Variants in PSMF1 observed in about 807,000 individuals in gnomAD.
PSMF1 encodes proteasome inhibitor subunit 1, also known as proteasome inhibitor PI31 subunit.
In PSMF1, 30 loss-of-function variants were observed where a neutral mutation model predicts 29.3. The observed-to-expected ratio is 1.02, with a 90% CI of 0.77 to 1.39. The LOEUF is 1.39. Among genes scored for constraint, PSMF1 ranks in the 40% most tolerant of loss-of-function variants. The pLI is 0.00. For synonymous variants in PSMF1, 134 were observed against 139.7 expected (o/e 0.96, Z 0.29); for missense variants, 344 against 357.5 (o/e 0.96, Z 0.31).
chr20:1,162,404 A>T lies in PSMF1; in HGVS notation c.552-726A>T, dbSNP rs182178231. ...AGAAAAAATAAAAGTGCTGCCATTT[A>T]AAAAAAAGACATATAAGACTTTTGA... On this transcript the variant is annotated intron_variant, in intron 4 of 6. Coordinates refer to ENST00000335877, the MANE Select transcript of PSMF1 (RefSeq NM_006814.5). 6.7e-3 allele frequency among the ~76,000 whole-genome samples: 1,024 copies of T among 152,034 alleles called. 8 individuals are homozygous for T. The highest frequency in any genetic ancestry group is 0.024 in the Middle Eastern group (7 of 294).
At chr20:1,154,675 T>A (rs2086571671) in intron 4 of PSMF1, among the ~76,000 whole-genome samples, 1 of 152,264 alleles carries the variant, frequency 6.6e-6, no homozygotes, top group Non-Finnish European at 1.5e-5. Context: ...GTCCCACTCC[T>A]AGTCTTCTGA....
rs1771790018 is a variant in PSMF1 at position 1,170,774 on chromosome 20, A to G, written c.*5694A>G. Among the ~76,000 whole-genome samples the G allele has an allele frequency of 6.6e-6, 1 of 151,976 alleles. No homozygotes were observed. On this transcript the variant is annotated 3_prime_UTR_variant, in exon 7 of 7. Coordinates refer to ENST00000335877, the MANE Select transcript of PSMF1 (RefSeq NM_006814.5). Reference sequence around the variant, plus strand: ...GTGGGTGCTTGCTGCAATTGTTACTAAAGTCATATGGGTAGATAAGGGTGG... The same window carrying G: ...GTGGGTGCTTGCTGCAATTGTTACTGAAGTCATATGGGTAGATAAGGGTGG...
chr20:1,160,659 G>A (rs921038379), intron 4 of PSMF1: 3 of 507,288 alleles, frequency 5.9e-6, no homozygotes, highest in African/African-American at 2.0e-5. Context: ...TGGGGACGAC[G>A]CCCCTGGAAC....
intron 4 of PSMF1, among the ~76,000 whole-genome samples, chr20:1,149,015 C>CA: frequency 6.6e-6 from 1 of 152,042 alleles, no homozygotes; most frequent in East Asian, 1.9e-4. Context: ...CTCTTCAAAA[C>CA]AAAAAATTTA....
chr20:1,159,169 T>C (rs191410997), intron 4 of PSMF1, among the ~76,000 whole-genome samples: 1 of 152,308 alleles, frequency 6.6e-6, no homozygotes, highest in East Asian at 1.9e-4. Context: ...ACTGAATATG[T>C]TGTTACAGTT....
Position 1,164,460 on chromosome 20 carries a change from G to T in PSMF1, c.748G>T (p.Gly250Trp). The T allele has an allele frequency of 6.2e-7, 1 of 1,614,128 alleles. No individual in the cohort carries two copies. The highest frequency in any genetic ancestry group is 2.2e-5 in the East Asian group (1 of 44,878). ...GARFDPFGPIGTSPPGPNPDH... is the reference protein window; with the variant it reads ...GARFDPFGPIWTSPPGPNPDH... ...TCGCTTTGACCCCTTTGGACCCATT[G>T]GGACCAGCCCACCCGGGTACGTAGT... The change falls in exon 6 of 7, where the codon GGG becomes TGG. Residue 250 changes from glycine to tryptophan, a missense_variant. Physicochemically the swap from Gly to Trp is radical, Grantham distance 184 (BLOSUM62 -2). Coordinates refer to ENST00000335877, the MANE Select transcript of PSMF1 (RefSeq NM_006814.5). The surrounding 1 kb of genome is among the most constrained non-coding windows in gnomAD (Gnocchi z 4.1).
intron 1 of PSMF1, among the ~76,000 whole-genome samples, chr20:1,124,675 A>G (rs2086131768): frequency 6.6e-6 from 1 of 152,272 alleles, no homozygotes; most frequent in Non-Finnish European, 1.5e-5. Context: ...AAATTGCAGC[A>G]TAGTCATACA....
chr20:1,166,179 T>C lies in PSMF1; in HGVS notation c.*1099T>C, dbSNP rs750647939. On this transcript the variant is annotated 3_prime_UTR_variant, in exon 7 of 7. Coordinates refer to ENST00000335877, the MANE Select transcript of PSMF1 (RefSeq NM_006814.5). ...CGGGAGGAGCAGGGAGCCCTGCACC[T>C]TGTGTCCTGGCCCACCTGACCTTTG... 1 of 1,608,998 alleles carries C rather than the reference T, an allele frequency of 6.2e-7. No individual in the cohort carries two copies. The highest frequency in any genetic ancestry group is 8.5e-7 in the Non-Finnish European group (1 of 1,178,310).
rs1273488885 is a variant in PSMF1, at chr20:1,170,733, A to G, written c.*5653A>G. Reference sequence around the variant, plus strand: ...CAACCAAATAATGTGTCTTATTAACAGAGAGTTGGGGCTCGGTGGGTGCTT... The same window carrying G: ...CAACCAAATAATGTGTCTTATTAACGGAGAGTTGGGGCTCGGTGGGTGCTT... On this transcript the variant is annotated 3_prime_UTR_variant, in exon 7 of 7. Coordinates refer to ENST00000335877, the MANE Select transcript of PSMF1 (RefSeq NM_006814.5). Among the ~76,000 whole-genome samples, 2 of 151,916 alleles carry G rather than the reference A, an allele frequency of 1.3e-5. No homozygotes were observed. Among genetic ancestry groups the G allele is most frequent in the African/African-American group, 4.8e-5 (2 of 41,336 alleles).
chr20:1,144,034 G>C (rs956720657), intron 4 of PSMF1, among the ~76,000 whole-genome samples: 9 of 152,182 alleles, frequency 5.9e-5, no homozygotes, highest in African/African-American at 2.2e-4. Context: ...GTTGCAGTGA[G>C]CCGAGATGGC....
chr20:1,166,384 C>G lies in PSMF1; in HGVS notation c.*1304C>G. ...TGTGGATCCTTTCATTTCTCAGCTC[C>G]CTGGATTCCTTCCCCTAAATTAGGA... On this transcript the variant is annotated 3_prime_UTR_variant, in exon 7 of 7. Coordinates refer to ENST00000335877, the MANE Select transcript of PSMF1 (RefSeq NM_006814.5). The G allele has an allele frequency of 9.7e-7, 1 of 1,028,058 alleles. No individual in the cohort carries two copies. Among genetic ancestry groups the G allele is most frequent in the South Asian group, 1.4e-5 (1 of 73,332 alleles). The allele number at this position is 1,028,058 out of a possible 1,614,324, so 63.7% of individuals were successfully genotyped here. A position where few individuals can be genotyped will look rare whatever the true frequency, so the allele number is the denominator to read the frequency against.
At position 1,141,984 on chromosome 20, in the gene PSMF1, G is replaced by A. The variant is rs149217159; in HGVS notation, c.551+6678G>A. On this transcript the variant is annotated intron_variant, in intron 4 of 6. Coordinates refer to ENST00000335877, the MANE Select transcript of PSMF1 (RefSeq NM_006814.5). ...CTGTAATCCCAGCACTTTGGAGGCC[G>A]AAGAGGGCAGATTACCTGAGGTCAG... is the stretch of plus-strand genomic sequence containing the variant. 1.6e-4 allele frequency among the ~76,000 whole-genome samples: 25 copies of A among 152,210 alleles called. No individual in the cohort carries two copies. The East Asian group carries it at 3.3e-3, about 20-fold the overall frequency.
intron 1 of PSMF1, among the ~76,000 whole-genome samples, chr20:1,119,482 C>T (rs571062565): frequency 2.2e-4 from 33 of 152,260 alleles, no homozygotes; most frequent in African/African-American, 7.9e-4. Context: ...ATAGTCCACT[C>T]GCTACTGCCA....
At chr20:1,120,490 C>T (rs753358592) in intron 1 of PSMF1, among the ~76,000 whole-genome samples, 16 of 152,198 alleles carry the variant, frequency 1.1e-4, no homozygotes, top group Non-Finnish European at 1.9e-4. Context: ...GTAGAGACAG[C>T]ACCCCCATTT....
chr20:1,147,832 T>A (rs941106961), intron 4 of PSMF1, among the ~76,000 whole-genome samples: 5 of 152,118 alleles, frequency 3.3e-5, no homozygotes, highest in Non-Finnish European at 7.3e-5. Context: ...TTCCACCTTT[T>A]CCTTTCTCCC....
At chr20:1,127,193 G>T in intron 2 of PSMF1, 1 of 684,188 alleles carries the variant, frequency 1.5e-6, no homozygotes, top group Non-Finnish European at 2.6e-6. Flanking sequence ...GAGCCCTTTT[G>T]CAAAAGAGCC....
Position 1,165,590 on chromosome 20 carries a change from C to G in PSMF1, c.*510C>G. The G allele has an allele frequency of 1.0e-6, 1 of 994,952 alleles. No homozygotes were observed. Among genetic ancestry groups the G allele is most frequent in the Non-Finnish European group, 1.2e-6 (1 of 835,480 alleles). The allele number at this position is 994,952 out of a possible 1,614,324, so 61.6% of individuals were successfully genotyped here. A position where few individuals can be genotyped will look rare whatever the true frequency, so the allele number is the denominator to read the frequency against. On this transcript the variant is annotated 3_prime_UTR_variant, in exon 7 of 7. Transcript: ENST00000335877. The stretch of plus-strand genomic sequence containing the variant: ...TCCTGCCCAGGGCCCATTCTTGCTT[C>G]TCAGGCACCTTCCGTTTATTAATTG...
intron 3 of PSMF1, chr20:1,134,758 C>T: frequency 2.9e-6 from 1 of 347,138 alleles, no homozygotes; most frequent in South Asian, 2.3e-5. Context: ...CCTTCCATGA[C>T]CCTTCCCATG....
chr20:1,141,294 T>C (rs111506410), intron 4 of PSMF1, among the ~76,000 whole-genome samples: 3,704 of 152,288 alleles, frequency 0.024, 82 homozygotes, highest in Middle Eastern at 0.082. Context: ...CCATGCGTTA[T>C]ACATGTTAGC....
Sources: gnomAD v4.1 joint callset for allele counts (sites outside exome capture counted in the v4.1 genomes callset) on GRCh38, gnomAD v4.1.1 for gene constraint, Gnocchi (gnomAD v3.1) non-coding constraint, MANE v1.5 for transcripts, NCBI Gene and HGNC (gene_info 2026-07-23, HGNC 2026-07-21) for gene names.